Variants in HSPE1 observed in about 807,000 individuals in gnomAD.
HSPE1 encodes the protein 10 kDa heat shock protein, mitochondrial.
HSPE1 carries 1 observed loss-of-function variant against 13.2 expected under a neutral mutation model. The observed-to-expected ratio is 0.08, with a 90% confidence interval of 0.03 to 0.36. The LOEUF (loss-of-function observed/expected upper bound fraction) is 0.36. Among genes scored for constraint, HSPE1 ranks in the 10% least tolerant of loss-of-function variants. HSPE1 has a pLI of 0.99. For missense variants in HSPE1, 73 were observed against 118.7 expected, an observed-to-expected ratio of 0.62 and a Z score of 1.79; for synonymous variants, 44 against 42.0, an observed-to-expected ratio of 1.05 and a Z score of -0.19.
chr2:197,500,799 G>A (rs1007747891), intron 1 of HSPE1: 2 of 581,128 alleles, frequency 3.4e-6, no homozygotes, highest in Non-Finnish European at 6.1e-6. Flanking sequence ...CCTGAAGAAG[G>A]AAAACATTTG....
chr2:197,502,723 A>G (rs1053186591), intron 2 of HSPE1, among the ~76,000 whole-genome samples: 2 of 152,222 alleles, frequency 1.3e-5, no homozygotes, highest in African/African-American at 4.8e-5. Flanking sequence ...TTGATAAGTT[A>G]TGTTAATATT....
intron 2 of HSPE1, 38 bp downstream of exon 2, chr2:197,501,276 T>G (rs757412168): frequency 3.1e-5 from 48 of 1,557,772 alleles, no homozygotes; most frequent in Admixed American, 6.0e-5. Flanking sequence ...TTTTATAGTG[T>G]GCAGTGGAGG....
chr2:197,500,586 G>T, intron 1 of HSPE1, 147 bp downstream of exon 1: 2 of 1,255,614 alleles, frequency 1.6e-6, no homozygotes, highest in Non-Finnish European at 1.1e-6. Flanking sequence ...GAGCGGCAAG[G>T]CCCGCCCGAC....
At chr2:197,502,716 A>G (rs934316912) in intron 2 of HSPE1, among the ~76,000 whole-genome samples, 13 of 152,232 alleles carry the variant, frequency 8.5e-5, no homozygotes, top group African/African-American at 2.9e-4. Flanking sequence ...CATATAGTTG[A>G]TAAGTTATGT....
intron 1 of HSPE1, 65 bp downstream of exon 1, chr2:197,500,504 A>G (rs1262235990): frequency 1.6e-6 from 1 of 637,988 alleles, no homozygotes; most frequent in Non-Finnish European, 2.6e-6. Context: ...GGGATCCCTG[A>G]CGCCCCTCTT....
chr2:197,500,425 G>C lies in HSPE1; in HGVS notation c.-12G>C. ...CACTAGAGCAGAGTACGAGTCTGAG[G>C]CGGAGGGAGTAATGGTGAGTCCCGC... is the stretch of plus-strand genomic sequence containing the variant. On this transcript the variant is annotated 5_prime_UTR_variant, in exon 1 of 4. Coordinates refer to ENST00000233893, the MANE Select transcript of HSPE1 (RefSeq NM_002157.3). The C allele has an allele frequency of 1.9e-6, 3 of 1,602,476 alleles. No individual in the cohort carries two copies. Among genetic ancestry groups the C allele is most frequent in the Non-Finnish European group, 1.7e-6 (2 of 1,175,174 alleles).
rs1169754010 is a variant in HSPE1 at position 197,503,142 on chromosome 2, A to G, written c.258+14A>G. On this transcript the variant is annotated intron_variant, in intron 3 of 3. Coordinates refer to ENST00000233893, the MANE Select transcript of HSPE1 (RefSeq NM_002157.3). Reference sequence around the variant, plus strand: ...CTAGATGACAAGGTGTGTAAACTTAATAATTCTAAAAAGAAGTCAGATATT... The same window carrying G: ...CTAGATGACAAGGTGTGTAAACTTAGTAATTCTAAAAAGAAGTCAGATATT... 6 of 1,588,952 alleles carry G rather than the reference A, an allele frequency of 3.8e-6. No homozygotes were observed. Among genetic ancestry groups the G allele is most frequent in the South Asian group, 1.1e-5 (1 of 90,560 alleles).
intron 2 of HSPE1, chr2:197,501,509 A>C (rs546616370): frequency 2.0e-4 from 55 of 281,304 alleles, no homozygotes; most frequent in African/African-American, 1.2e-3. Flanking sequence ...TCTCGCCTGT[A>C]ATCTCAGCAC....
intron 2 of HSPE1, among the ~76,000 whole-genome samples, chr2:197,502,071 T>A (rs1226153167): frequency 6.6e-6 from 1 of 152,174 alleles, no homozygotes; most frequent in Non-Finnish European, 1.5e-5. Context: ...CTTGGACTGT[T>A]CGTTTAACCC....
chr2:197,500,432 G>C lies in HSPE1; in HGVS notation c.-5G>C. On this transcript the variant is annotated 5_prime_UTR_variant, in exon 1 of 4. Coordinates refer to ENST00000233893, the MANE Select transcript of HSPE1 (RefSeq NM_002157.3). Reference sequence around the variant, plus strand: ...GCAGAGTACGAGTCTGAGGCGGAGGGAGTAATGGTGAGTCCCGCGTGGCCC... The same window carrying C: ...GCAGAGTACGAGTCTGAGGCGGAGGCAGTAATGGTGAGTCCCGCGTGGCCC... 6.2e-7 allele frequency: 1 copy of C among 1,600,752 alleles called. No individual in the cohort carries two copies. The highest frequency in any genetic ancestry group is 8.5e-7 in the Non-Finnish European group (1 of 1,174,186).
At position 197,503,404 on chromosome 2, in the gene HSPE1, T is replaced by C; in HGVS notation, c.*145T>C. On this transcript the variant is annotated 3_prime_UTR_variant, in exon 4 of 4. Coordinates refer to ENST00000233893, the MANE Select transcript of HSPE1 (RefSeq NM_002157.3). ...TGACATCCAGTGTCTCCAAAATTGT[T>C]TCCTTGTACTGATATAAACACTTCC... 1.7e-6 allele frequency: 1 copy of C among 582,632 alleles called. No homozygotes were observed. The highest frequency in any genetic ancestry group is 3.0e-6 in the Non-Finnish European group (1 of 330,268). 36.1% of individuals were successfully genotyped at this position (582,632 alleles called of 1,614,324 possible).
At position 197,503,080 on chromosome 2, in the gene HSPE1, A is replaced by G; in HGVS notation, c.210A>G (p.Lys70=). The stretch of plus-strand genomic sequence containing the variant: ...CAGTTAGCGTGAAAGTTGGAGATAA[A>G]GTTCTTCTCCCAGAATATGGAGGCA... ...IQPVSVKVGD[K]VLLPEYGGTK... The change falls in exon 3 of 4, where the codon AAA becomes AAG. Residue 70 remains lysine, a synonymous_variant. Coordinates refer to ENST00000233893, the MANE Select transcript of HSPE1 (RefSeq NM_002157.3). The G allele has an allele frequency of 6.2e-7, 1 of 1,609,186 alleles. No individual in the cohort carries two copies. The highest frequency in any genetic ancestry group is 8.5e-7 in the Non-Finnish European group (1 of 1,177,696).
Position 197,501,186 on chromosome 2 carries a change from G to A in HSPE1, c.116G>A (p.Gly39Glu), listed in dbSNP as rs2086249816. The A allele has an allele frequency of 6.2e-7, 1 of 1,614,052 alleles. No individual in the cohort carries two copies. The highest frequency in any genetic ancestry group is 2.2e-5 in the East Asian group (1 of 44,882). ...ATTATGCTTCCAGAAAAATCTCAAG[G>A]AAAAGTATTGCAAGCAACAGTAGTC... ...GGIMLPEKSQ[G>E]KVLQATVVAV... is the part of the protein sequence containing the mutation. The change falls in exon 2 of 4, where the codon GGA (glycine) becomes GAA (glutamate). Residue 39 changes from glycine to glutamate, a missense_variant. Transcript: ENST00000233893.
At position 197,501,261 on chromosome 2, in the gene HSPE1, CTA is replaced by C. The variant is rs570971820; in HGVS notation, c.168+25_168+26del. On this transcript the variant is annotated intron_variant, in intron 2 of 3. Coordinates refer to ENST00000233893, the MANE Select transcript of HSPE1 (RefSeq NM_002157.3). ...AAGGTAAATGGGAGCTGCAGTGGAA[CTA>C]TTTTTTATAGTGTGCAGTGGAGGGA... The C allele has an allele frequency of 1.5e-4, 238 of 1,590,732 alleles. No individual in the cohort carries two copies. The African/African-American group carries it at 2.8e-3, about 19-fold the overall frequency.
Position 197,503,314 on chromosome 2 carries a change from C to G in HSPE1, c.*55C>G. 8.8e-7 allele frequency: 1 copy of G among 1,133,052 alleles called. No individual in the cohort carries two copies. Among genetic ancestry groups the G allele is most frequent in the Admixed American group, 2.0e-5 (1 of 50,970 alleles). 70.2% of individuals were successfully genotyped at this position (1,133,052 alleles called of 1,614,324 possible). On this transcript the variant is annotated 3_prime_UTR_variant, in exon 4 of 4. Transcript: ENST00000233893. The stretch of plus-strand genomic sequence containing the variant: ...TGATGCTGCCCATTCCACTGAAGTT[C>G]TGAAATCTTTCGTCATGTAAATAAT...
rs1306504390 is a variant in HSPE1 at position 197,500,416 on chromosome 2, G to A, written c.-21G>A. ...GCGGCGCTACACTAGAGCAGAGTACGAGTCTGAGGCGGAGGGAGTAATGGT... is the reference window on the plus strand; with the variant it reads ...GCGGCGCTACACTAGAGCAGAGTACAAGTCTGAGGCGGAGGGAGTAATGGT... On this transcript the variant is annotated 5_prime_UTR_variant, in exon 1 of 4. Transcript: ENST00000233893. 2.5e-6 allele frequency: 4 copies of A among 1,601,158 alleles called. No homozygotes were observed. The highest frequency in any genetic ancestry group is 1.7e-5 in the Admixed American group (1 of 57,592).
At chr2:197,500,462 G>T (rs1046890058) in intron 1 of HSPE1, 23 bp downstream of exon 1, 1 of 1,591,044 alleles carries the variant, frequency 6.3e-7, no homozygotes, top group Non-Finnish European at 8.6e-7. Flanking sequence ...TGGCCCCGAG[G>T]CCTGCAGGCC....
At position 197,501,757 on chromosome 2, in the gene HSPE1, G is replaced by A. The variant is rs1472045336; in HGVS notation, c.168+519G>A. Among the ~76,000 whole-genome samples the A allele has an allele frequency of 8.5e-4, 107 of 125,378 alleles. No homozygotes were observed. In the Middle Eastern group the frequency reaches 0.015, roughly 18 times the overall value. 82.3% of individuals were successfully genotyped at this position (125,378 alleles called of 152,430 possible). On this transcript the variant is annotated intron_variant, in intron 2 of 3. Coordinates refer to ENST00000233893, the MANE Select transcript of HSPE1 (RefSeq NM_002157.3). Reference sequence around the variant, plus strand: ...CATTCCAGTATGGGGGACAGGGCGAGATTCTGTCTCAAAAAAAAAAAAAAA... The same window carrying A: ...CATTCCAGTATGGGGGACAGGGCGAAATTCTGTCTCAAAAAAAAAAAAAAA...
chr2:197,501,357 A>G, intron 2 of HSPE1, 119 bp downstream of exon 2: 1 of 1,187,432 alleles, frequency 8.4e-7, no homozygotes, highest in Non-Finnish European at 1.2e-6. Flanking sequence ...AAGATCATTA[A>G]CTGCTTTGGT....
Sources: gnomAD v4.1 joint callset for allele counts (sites outside exome capture counted in the v4.1 genomes callset) on GRCh38, gnomAD v4.1.1 for gene constraint, MANE v1.5 for transcripts, NCBI Gene and HGNC (gene_info 2026-07-23, HGNC 2026-07-21) for gene names.